The following POLA1 variants were observed in gnomAD, a reference collection of about 807,000 sequenced individuals.
POLA1 encodes DNA polymerase alpha catalytic subunit.
POLA1 carries 15 observed loss-of-function variants against 124.0 expected under a neutral mutation model. The observed-to-expected ratio is 0.12, with a 90% confidence interval of 0.08 to 0.19. The LOEUF (loss-of-function observed/expected upper bound fraction) is 0.19, where lower values mean the gene tolerates loss of function less well. Among genes scored for constraint, POLA1 ranks in the 10% least tolerant of loss-of-function variants. The pLI is 1.00. For missense variants in POLA1, 886 were observed against 1,103.4 expected, an observed-to-expected ratio of 0.80 and a Z score of 2.79; for synonymous variants, 408 against 389.4, an observed-to-expected ratio of 1.05 and a Z score of -0.56.
At chrX:24,778,193 G>A (rs1020294128) in intron 26 of POLA1, among the ~76,000 whole-genome samples, 12 of 111,683 alleles carry the variant, frequency 1.1e-4, no homozygotes, top group African/African-American at 3.9e-4. Flanking sequence ...CTTTTTGTGA[G>A]ACAAGGTAAG....
intron 34 of POLA1, among the ~76,000 whole-genome samples, chrX:24,867,999 T>C (rs914342279): frequency 1.4e-4 from 16 of 112,142 alleles, no homozygotes; most frequent in South Asian, 3.7e-4. Context: ...CATTTTTCAC[T>C]AATTCACTCT....
intron 34 of POLA1, among the ~76,000 whole-genome samples, chrX:24,854,741 A>C (rs747174236): frequency 1.8e-5 from 2 of 109,969 alleles, no homozygotes; most frequent in African/African-American, 6.6e-5. Context: ...AGGCAGGAAA[A>C]TCGCTTGGAC....
chrX:24,699,793 T>C (rs1602239278), intron 2 of POLA1, among the ~76,000 whole-genome samples: 2 of 109,534 alleles, frequency 1.8e-5, no homozygotes, highest in African/African-American at 6.6e-5. Context: ...AAAATGAAAG[T>C]ACATAGTCAT....
intron 36 of POLA1, among the ~76,000 whole-genome samples, chrX:24,987,145 T>C (rs766371597): frequency 3.6e-5 from 4 of 112,174 alleles, no homozygotes; most frequent in African/African-American, 6.5e-5. Context: ...ATATTGTGAG[T>C]TGGGGAAGCC....
intron 36 of POLA1, among the ~76,000 whole-genome samples, chrX:24,992,498 CTGT>C (rs1474592267): frequency 8.9e-6 from 1 of 112,588 alleles, no homozygotes; most frequent in Non-Finnish European, 1.9e-5. Context: ...TTATAACTGA[CTGT>C]TGTTTGATAC....
At chrX:24,863,585 C>G (rs760818139) in intron 34 of POLA1, among the ~76,000 whole-genome samples, 1 of 111,768 alleles carries the variant, frequency 8.9e-6, no homozygotes, top group East Asian at 2.8e-4. Context: ...GGAAGGACAC[C>G]CCCCTCTCCC....
At chrX:24,894,764 A>G (rs1422380237) in intron 35 of POLA1, among the ~76,000 whole-genome samples, 3 of 100,623 alleles carry the variant, frequency 3.0e-5, no homozygotes, top group Non-Finnish European at 6.1e-5. Context: ...CCAATACTCT[A>G]TTTTCTTTCT....
intron 34 of POLA1, among the ~76,000 whole-genome samples, chrX:24,859,683 G>A (rs1233954055): frequency 4.4e-5 from 5 of 112,440 alleles, no homozygotes; most frequent in Non-Finnish European, 5.6e-5. Flanking sequence ...GTTGTGTTGC[G>A]TTTAGCTTCA....
chrX:24,866,743 A>G (rs1017998526), intron 34 of POLA1, among the ~76,000 whole-genome samples: 2 of 112,446 alleles, frequency 1.8e-5, no homozygotes, highest in African/African-American at 6.4e-5. Context: ...TTTATGCTCC[A>G]TTAAAGTTGA....
intron 32 of POLA1, among the ~76,000 whole-genome samples, chrX:24,829,101 A>G (rs926732340): frequency 1.8e-5 from 2 of 111,000 alleles, no homozygotes; most frequent in African/African-American, 6.6e-5. Flanking sequence ...ATCTCAATCT[A>G]CACAGAGAAC....
chrX:24,799,658 C>T (rs758556739), intron 26 of POLA1, among the ~76,000 whole-genome samples: 1 of 111,644 alleles, frequency 9.0e-6, no homozygotes, highest in South Asian at 3.8e-4. Context: ...CTACCCAAGC[C>T]ATTATTAGAA....
At chrX:24,784,203 C>G (rs2045321790) in intron 26 of POLA1, among the ~76,000 whole-genome samples, 1 of 106,880 alleles carries the variant, frequency 9.4e-6, no homozygotes, top group Admixed American at 1.0e-4. Context: ...CAGGTGCAAG[C>G]CACCATGCCC....
chrX:24,989,422 T>G (rs1191659534), intron 36 of POLA1, among the ~76,000 whole-genome samples: 2 of 110,222 alleles, frequency 1.8e-5, no homozygotes, highest in African/African-American at 6.6e-5. Context: ...GACATTAAGA[T>G]TTTTAGATTT....
chrX:24,921,755 A>G (rs966880460), intron 35 of POLA1, among the ~76,000 whole-genome samples: 2 of 111,759 alleles, frequency 1.8e-5, no homozygotes, highest in African/African-American at 6.5e-5. Context: ...TTTCATCCTG[A>G]TGTTACTCCA....
At chrX:24,891,041 G>A (rs1249889936) in intron 35 of POLA1, among the ~76,000 whole-genome samples, 1 of 112,205 alleles carries the variant, frequency 8.9e-6, no homozygotes, top group African/African-American at 3.2e-5. Flanking sequence ...TGCATTCTTG[G>A]TAAGAGAAGG....
At chrX:24,704,340 T>C (rs1360279533) in intron 3 of POLA1, 49 bp from the exon 4 acceptor site, 3 of 934,743 alleles carry the variant, frequency 3.2e-6, no homozygotes, top group Non-Finnish European at 4.6e-6. Flanking sequence ...TAAAATATTA[T>C]TGGCCACTTT....
intron 36 of POLA1, among the ~76,000 whole-genome samples, chrX:24,968,111 A>G (rs909449481): frequency 1.8e-5 from 2 of 111,794 alleles, no homozygotes; most frequent in African/African-American, 3.3e-5. Context: ...CCAACTAGAA[A>G]TTTTCAGTGT....
At chrX:24,946,478 T>C (rs1408062018) in intron 36 of POLA1, among the ~76,000 whole-genome samples, 1 of 111,465 alleles carries the variant, frequency 9.0e-6, no homozygotes. Context: ...CCTAGAAGGA[T>C]TAGGACTGCA....
intron 35 of POLA1, among the ~76,000 whole-genome samples, chrX:24,912,391 C>G (rs1282724709): frequency 9.0e-6 from 1 of 111,455 alleles, no homozygotes; most frequent in Non-Finnish European, 1.9e-5. Flanking sequence ...AATTAAAAAC[C>G]TTTGATCTGC....
Sources: allele counts gnomAD v4.1 joint callset (sites outside exome capture counted in the v4.1 genomes callset), GRCh38; gene constraint gnomAD v4.1.1; transcripts MANE v1.5; gene names NCBI Gene and HGNC (gene_info 2026-07-23, HGNC 2026-07-21).